GRM5: variants seen among roughly 807,000 people sequenced by gnomAD.
GRM5 encodes the protein glutamate metabotropic receptor 5.
Under a neutral mutation model 83.1 loss-of-function variants are expected in GRM5, and 19 were observed. The ratio of observed to expected loss-of-function variants is 0.23; its 90% CI spans 0.16 to 0.34. The LOEUF is 0.34. Ranked by LOEUF, GRM5 falls within the 10% of genes least tolerant of loss-of-function variation. The pLI, the probability that GRM5 is intolerant of heterozygous loss-of-function variation, is 1.00. For synonymous variants in GRM5, 675 were observed against 633.6 expected (o/e 1.07, Z -0.98); for missense variants, 1,160 against 1,588.3 (o/e 0.73, Z 4.58).
At chr11:88,791,646 T>C (rs1470360754) in intron 3 of GRM5, among the ~76,000 whole-genome samples, 2 of 152,122 alleles carry the variant, frequency 1.3e-5, no homozygotes, top group Admixed American at 6.6e-5. Context: ...ACATGACAAA[T>C]GACCAACATT....
At chr11:88,530,470 CT>C in intron 8 of GRM5, among the ~76,000 whole-genome samples, 1 of 152,030 alleles carries the variant, frequency 6.6e-6, no homozygotes, top group Non-Finnish European at 1.5e-5. Context: ...CTTCTTGTAC[CT>C]TCTTTGTCCA....
chr11:88,512,786 G>T (rs1591313148), intron 9 of GRM5, among the ~76,000 whole-genome samples: 1 of 152,218 alleles, frequency 6.6e-6, no homozygotes. Flanking sequence ...GTCTAAGGAT[G>T]TTCAGTTTTT....
At chr11:89,064,886 CTCTGTG>C (rs1278568643) in intron 1 of GRM5, among the ~76,000 whole-genome samples, 110 of 72,676 alleles carry the variant, frequency 1.5e-3, no homozygotes, top group Admixed American at 2.3e-3. Context: ...CTCTCTCTCT[CTCTGTG>C]TGTGTGTGTG....
intron 2 of GRM5, among the ~76,000 whole-genome samples, chr11:88,872,763 A>G (rs566005523): frequency 6.6e-5 from 10 of 151,580 alleles, no homozygotes; most frequent in African/African-American, 1.9e-4. Flanking sequence ...ACTAGAAAAA[A>G]TCACTTAATC....
chr11:88,889,858 C>A (rs1175048261), intron 2 of GRM5, among the ~76,000 whole-genome samples: 5 of 151,898 alleles, frequency 3.3e-5, no homozygotes, highest in East Asian at 1.9e-4. Context: ...AGCAAACAAA[C>A]AAACAAAAAA....
intron 7 of GRM5, 107 bp from the exon 8 acceptor site, chr11:88,568,099 T>C (rs1942910136): frequency 1.5e-6 from 1 of 650,712 alleles, no homozygotes; most frequent in African/African-American, 1.8e-5. Flanking sequence ...TTGTTCCCCA[T>C]CTACCTTTCT....
intron 1 of GRM5, among the ~76,000 whole-genome samples, chr11:89,059,016 T>C (rs569514868): frequency 2.0e-5 from 3 of 152,194 alleles, no homozygotes; most frequent in Non-Finnish European, 2.9e-5. Flanking sequence ...TTTCAAAAAA[T>C]ATTTTTGATT....
At chr11:88,800,064 G>A (rs1051656708) in intron 3 of GRM5, among the ~76,000 whole-genome samples, 2 of 152,100 alleles carry the variant, frequency 1.3e-5, no homozygotes, top group African/African-American at 2.4e-5. Flanking sequence ...CCCACAGGGA[G>A]TTTATGCACA....
intron 3 of GRM5, among the ~76,000 whole-genome samples, chr11:88,798,608 C>T (rs772384849): frequency 4.6e-5 from 7 of 151,742 alleles, no homozygotes; most frequent in African/African-American, 1.2e-4. Context: ...CCAGGTTTAA[C>T]GATATTGGTC....
At chr11:88,665,600 T>C (rs1188345543) in intron 3 of GRM5, among the ~76,000 whole-genome samples, 4 of 152,190 alleles carry the variant, frequency 2.6e-5, no homozygotes, top group Non-Finnish European at 5.9e-5. Context: ...ATAATCATTG[T>C]ACAAGAAGTG....
chr11:88,708,172 G>C (rs1941202877), intron 3 of GRM5, among the ~76,000 whole-genome samples: 1 of 152,070 alleles, frequency 6.6e-6, no homozygotes, highest in Admixed American at 6.6e-5. Flanking sequence ...CAAGAAAAGA[G>C]TGATTAAGCA....
At chr11:88,988,581 A>C (rs1029254734) in intron 2 of GRM5, among the ~76,000 whole-genome samples, 1 of 151,296 alleles carries the variant, frequency 6.6e-6, no homozygotes, top group East Asian at 1.9e-4. Context: ...AGTTGAAATG[A>C]AGGAAAAAAT....
chr11:88,831,856 G>T (rs1389054422), intron 3 of GRM5, among the ~76,000 whole-genome samples: 2 of 152,168 alleles, frequency 1.3e-5, no homozygotes, highest in East Asian at 3.9e-4. Context: ...CCAATGCAAA[G>T]CTGCCACTAC....
At chr11:88,542,348 C>G (rs1343216397) in intron 8 of GRM5, among the ~76,000 whole-genome samples, 1 of 141,164 alleles carries the variant, frequency 7.1e-6, no homozygotes. Flanking sequence ...TTACCAAAGG[C>G]ATGGCTAAAA....
chr11:88,545,014 G>A (rs1942357299), intron 8 of GRM5, among the ~76,000 whole-genome samples: 1 of 152,198 alleles, frequency 6.6e-6, no homozygotes, highest in East Asian at 1.9e-4. Context: ...TCCTCAAAGA[G>A]ATGGGACCTG....
chr11:89,060,462 T>C lies in GRM5; in HGVS notation c.-201+5314A>G, dbSNP rs150982207. 6.0e-3 allele frequency among the ~76,000 whole-genome samples: 906 copies of C among 152,210 alleles called. 6 individuals are homozygous for C. The highest frequency in any genetic ancestry group is 0.02 in the Middle Eastern group (6 of 294). Reference sequence around the variant, plus strand: ...TAAACTATGCACTGTTCTTTGACAGTAGAATAAAAAACGTAGTTTTTATAA... The same window carrying C: ...TAAACTATGCACTGTTCTTTGACAGCAGAATAAAAAACGTAGTTTTTATAA... On this transcript the variant is annotated intron_variant, in intron 1 of 9. Transcript: ENST00000305447.
At chr11:88,789,772 A>T (rs1270741907) in intron 3 of GRM5, among the ~76,000 whole-genome samples, 4 of 152,180 alleles carry the variant, frequency 2.6e-5, no homozygotes, top group Non-Finnish European at 5.9e-5. Flanking sequence ...ACGGTAAATT[A>T]TATGCTGTAC....
intron 3 of GRM5, among the ~76,000 whole-genome samples, chr11:88,680,654 C>T (rs1940455803): frequency 6.6e-6 from 1 of 152,172 alleles, no homozygotes; most frequent in African/African-American, 2.4e-5. Flanking sequence ...GATTATAAAT[C>T]ATGCTGCTAT....
chr11:88,836,045 G>GA (rs1267864299), intron 3 of GRM5, among the ~76,000 whole-genome samples: 9 of 150,294 alleles, frequency 6.0e-5, no homozygotes, highest in Non-Finnish European at 1.0e-4. Context: ...AAGAAGGATT[G>GA]AAAAAAAAAG....
Sources: gnomAD v4.1 joint callset for allele counts (sites outside exome capture counted in the v4.1 genomes callset) on GRCh38, gnomAD v4.1.1 for gene constraint, MANE v1.5 for transcripts, NCBI Gene and HGNC (gene_info 2026-07-23, HGNC 2026-07-21) for gene names.